DNAH6: variants seen among roughly 807,000 people sequenced by gnomAD.
DNAH6 encodes the protein dynein axonemal heavy chain 6.
Under a neutral mutation model 491.4 loss-of-function variants are expected in DNAH6, and 340 were observed. The ratio of observed to expected loss-of-function variants is 0.69; its 90% CI spans 0.63 to 0.76. The LOEUF (loss-of-function observed/expected upper bound fraction) is 0.76, where lower values mean the gene tolerates loss of function less well. Among genes scored for constraint, DNAH6 ranks in the 30% least tolerant of loss-of-function variants. DNAH6 has a pLI of 0.00. For missense variants in DNAH6, 4,443 were observed against 4,972.2 expected (o/e 0.89, Z 3.20); for synonymous variants, 1,603 against 1,686.1 (o/e 0.95, Z 1.21).
intron 11 of DNAH6, among the ~76,000 whole-genome samples, chr2:84,571,135 A>C (rs1047732794): frequency 6.6e-6 from 1 of 152,266 alleles, no homozygotes; most frequent in Non-Finnish European, 1.5e-5. Context: ...ATAATGAATT[A>C]ACAAACTAAT....
the DNAH6 span, among the ~76,000 whole-genome samples, chr2:84,495,266 G>A: frequency 1.1e-4 from 16 of 152,300 alleles, no homozygotes; most frequent in Middle Eastern, 3.4e-3. Context: ...GGGTTCACTC[G>A]ATTCTCCTGC....
At chr2:84,577,510 T>C in intron 13 of DNAH6, 102 bp downstream of exon 13, 1 of 847,634 alleles carries the variant, frequency 1.2e-6, no homozygotes, top group Non-Finnish European at 1.7e-6. Flanking sequence ...ATTGCAAATA[T>C]AAAAATTAAC....
At chr2:84,500,408 T>C in the DNAH6 span, among the ~76,000 whole-genome samples, 2 of 152,248 alleles carry the variant, frequency 1.3e-5, no homozygotes, top group Admixed American at 6.5e-5. Context: ...TTTATGCCAG[T>C]ACCATGCTGT....
intron 10 of DNAH6, among the ~76,000 whole-genome samples, chr2:84,553,462 TTTTC>T (rs527918886): frequency 2.0e-5 from 3 of 149,452 alleles, no homozygotes; most frequent in Non-Finnish European, 4.4e-5. Context: ...TCTTTCTTTC[TTTTC>T]TTTCTTTTTT....
intron 4 of DNAH6, among the ~76,000 whole-genome samples, chr2:84,532,807 T>A (rs927087091): frequency 2.0e-5 from 3 of 152,150 alleles, no homozygotes; most frequent in Non-Finnish European, 4.4e-5. Flanking sequence ...AAATGATATG[T>A]CATGCTATTG....
intron 62 of DNAH6, among the ~76,000 whole-genome samples, chr2:84,741,631 C>G (rs1003258834): frequency 6.6e-6 from 1 of 152,176 alleles, no homozygotes; most frequent in Non-Finnish European, 1.5e-5. Context: ...CAGCTCATAG[C>G]AGGGCAGCAA....
chr2:84,669,369 T>C lies in DNAH6; in HGVS notation c.6165T>C (p.Pro2055=), dbSNP rs1331121666. The change falls in exon 38 of 77, where the codon CCT becomes CCC. Residue 2055 remains proline, a synonymous_variant. Transcript: ENST00000389394. ...KRLDPWERII[P]TFKYNRDVPF... ...TGGATCCCTGGGAACGAATCATACC[T>C]ACTTTCAAATACAACCGAGATGTTC... 78 of 1,551,808 alleles carry C rather than the reference T, an allele frequency of 5.0e-5. No homozygotes were observed. Among genetic ancestry groups the C allele is most frequent in the Non-Finnish European group, 6.7e-5 (77 of 1,147,006 alleles).
chr2:84,783,754 G>A (rs1192373), intron 65 of DNAH6, among the ~76,000 whole-genome samples: 17,708 of 152,178 alleles, frequency 0.12, 1,069 homozygotes, highest in Non-Finnish European at 0.13. Flanking sequence ...TAGTTGGGGG[G>A]AGACAGACAA....
intron 4 of DNAH6, among the ~76,000 whole-genome samples, chr2:84,530,239 G>C (rs1677033036): frequency 1.3e-5 from 2 of 152,108 alleles, no homozygotes; most frequent in Non-Finnish European, 2.9e-5. Flanking sequence ...GATAAGTATT[G>C]GAGGAAAAAA....
chr2:84,712,505 G>A (rs1697140214), intron 56 of DNAH6, among the ~76,000 whole-genome samples: 1 of 152,186 alleles, frequency 6.6e-6, no homozygotes, highest in African/African-American at 2.4e-5. Context: ...TGTAGAATAG[G>A]GGTTCATAGA....
chr2:84,779,910 T>C (rs997199950), intron 64 of DNAH6, among the ~76,000 whole-genome samples: 10 of 152,246 alleles, frequency 6.6e-5, no homozygotes, highest in African/African-American at 9.6e-5. Flanking sequence ...TCTGACAGGA[T>C]ATGAAATTGT....
intron 67 of DNAH6, among the ~76,000 whole-genome samples, chr2:84,786,101 A>AGAAAGAATGAATGAAT (rs1553498926): frequency 6.0e-5 from 9 of 150,246 alleles, no homozygotes; most frequent in East Asian, 1.9e-4. Flanking sequence ...AGAGAAAGAA[A>AGAAAGAATGAATGAAT]GAATGAATGA....
rs1396444001 is a variant in DNAH6, at chr2:84,777,974, A to G, written c.10704-3519A>G. On this transcript the variant is annotated intron_variant, in intron 64 of 76. Transcript: ENST00000389394. ...CTCACATGCCCAAGCAGTGATAATG[A>G]CCAGCTTGGAATTTGCAGTTACATT... 7.3e-6 allele frequency: 7 copies of G among 955,854 alleles called. No individual in the cohort carries two copies. In the East Asian group the frequency reaches 1.7e-4, roughly 23 times the overall value. 59.2% of individuals were successfully genotyped at this position (955,854 alleles called of 1,614,324 possible).
At chr2:84,588,988 T>A (rs556214817) in intron 16 of DNAH6, 34 bp downstream of exon 16, 2 of 1,524,480 alleles carry the variant, frequency 1.3e-6, no homozygotes, top group Non-Finnish European at 1.8e-6. Flanking sequence ...GTCTTAGAAA[T>A]GTGTGTATAG....
rs1257922718 is a variant in DNAH6 at position 84,762,868 on chromosome 2, G to T, written c.10626G>T (p.Leu3542=). 4 of 1,551,274 alleles carry T rather than the reference G, an allele frequency of 2.6e-6. No individual in the cohort carries two copies. The highest frequency in any genetic ancestry group is 3.5e-6 in the Non-Finnish European group (4 of 1,146,778). ...LYQDMSCNTP[L]VFILSTGSDP... is the part of the protein sequence containing the mutation. ...AAGACATGTCATGCAACACTCCCCT[G>T]GTATTCATCCTAAGCACAGGCTCAG... The change falls in exon 64 of 77, where the codon CTG becomes CTT. Residue 3542 remains leucine (L), a synonymous_variant. Coordinates refer to ENST00000389394, the MANE Select transcript of DNAH6 (RefSeq NM_001370.2).
At position 84,616,131 on chromosome 2, in the gene DNAH6, T is replaced by C. The variant is rs527243266; in HGVS notation, c.3476-755T>C. Among the ~76,000 whole-genome samples, 3 of 152,232 alleles carry C rather than the reference T, an allele frequency of 2.0e-5. No homozygotes were observed. The South Asian group carries it at 6.2e-4, about 32-fold the overall frequency. ...ATGTGGTCTATTTTGGAGAATATTC[T>C]GTGCTGATGAATAGAATGTATATTC... On this transcript the variant is annotated intron_variant, in intron 22 of 76. Transcript: ENST00000389394.
At chr2:84,714,315 G>A (rs924099170) in intron 57 of DNAH6, among the ~76,000 whole-genome samples, 1 of 152,156 alleles carries the variant, frequency 6.6e-6, no homozygotes, top group African/African-American at 2.4e-5. Context: ...GAATAAGATG[G>A]GGAAATATCA....
chr2:84,773,310 G>A (rs1412038189), intron 64 of DNAH6, among the ~76,000 whole-genome samples: 2 of 151,984 alleles, frequency 1.3e-5, no homozygotes, highest in Non-Finnish European at 2.9e-5. Flanking sequence ...ATGAGAACAT[G>A]GAGTATTTAG....
In DNAH6 at chr2:84,816,229, G is replaced by A. The variant is rs17025602; in HGVS notation, c.12373+146G>A. 0.013 allele frequency: 7,439 copies of A among 588,544 alleles called. 404 individuals carry two copies. Among genetic ancestry groups the A allele is most frequent in the African/African-American group, 0.11 (6,121 of 53,702 alleles). 36.5% of individuals were successfully genotyped at this position (588,544 alleles called of 1,614,324 possible). On this transcript the variant is annotated intron_variant, in intron 76 of 76. Coordinates refer to ENST00000389394, the MANE Select transcript of DNAH6 (RefSeq NM_001370.2). ...AAGCCACCTATAACATACAAAATTCGTAAATGTAATTATAAATTCTATTTG... is the reference window on the plus strand; with the variant it reads ...AAGCCACCTATAACATACAAAATTCATAAATGTAATTATAAATTCTATTTG...
Sources: allele counts gnomAD v4.1 joint callset (sites outside exome capture counted in the v4.1 genomes callset), GRCh38; gene constraint gnomAD v4.1.1; transcripts MANE v1.5; gene names NCBI Gene and HGNC (gene_info 2026-07-23, HGNC 2026-07-21).